C12orf56: variants seen among roughly 807,000 people sequenced by gnomAD.
C12orf56 encodes the protein chromosome 12 open reading frame 56.
A neutral mutation model predicts 69.9 loss-of-function variants in C12orf56; 71 were observed. That is an observed-to-expected ratio of 1.02 (90% CI 0.84 to 1.24). The LOEUF (loss-of-function observed/expected upper bound fraction) is 1.24, where lower values mean the gene tolerates loss of function less well. Ranked by LOEUF, C12orf56 falls within the 50% of genes most tolerant of loss-of-function variation. The pLI is 0.00. For missense variants in C12orf56, 732 were observed against 738.5 expected, an observed-to-expected ratio of 0.99 and a Z score of 0.10; for synonymous variants, 276 against 274.1, an observed-to-expected ratio of 1.01 and a Z score of -0.07.
In C12orf56 at chr12:64,367,213, C is replaced by CATACAGTTTATATATTATATGTAAT. The variant is rs1565777765; in HGVS notation, c.253-14182_253-14158dup. Among the ~76,000 whole-genome samples the CATACAGTTTATATATTATATGTAAT allele has an allele frequency of 9.9e-4, 14 of 14,126 alleles. 5 individuals are homozygous for CATACAGTTTATATATTATATGTAAT. The Admixed American group carries it at 0.018, about 18-fold the overall frequency. The allele number at this position is 14,126 out of a possible 152,430, so 9.3% of individuals were successfully genotyped here. The stretch of plus-strand genomic sequence containing the variant: ...CATACAGTTTATATATTATATATAA[C>CATACAGTTTATATATTATATGTAAT]ATACAGTTTATATATTATATGTAAT... On this transcript the variant is annotated intron_variant, in intron 1 of 12. Coordinates refer to ENST00000543942, the MANE Select transcript of C12orf56 (RefSeq NM_001170633.2).
intron 1 of C12orf56, among the ~76,000 whole-genome samples, chr12:64,377,425 G>A (rs2039657064): frequency 6.6e-6 from 1 of 152,076 alleles, no homozygotes; most frequent in Admixed American, 6.6e-5. Context: ...CTGACCTCAA[G>A]TGATCTGCCC....
chr12:64,347,206 G>A (rs375921181), intron 2 of C12orf56, among the ~76,000 whole-genome samples: 1 of 151,126 alleles, frequency 6.6e-6, no homozygotes, highest in African/African-American at 2.4e-5. Context: ...TTGAACTCCT[G>A]ACCTCAAGTG....
At position 64,357,700 on chromosome 12, in the gene C12orf56, C is replaced by T. The variant is rs1374655750; in HGVS notation, c.253-4644G>A. ...TCATTTGAGATCAGGAGTTCGAGGC[C>T]ACCCTGGCCAACATAGTGAGACCCC... On this transcript the variant is annotated intron_variant, in intron 1 of 12. Coordinates refer to ENST00000543942, the MANE Select transcript of C12orf56 (RefSeq NM_001170633.2). Among the ~76,000 whole-genome samples, 4 of 151,992 alleles carry T rather than the reference C, an allele frequency of 2.6e-5. No individual in the cohort carries two copies. In the South Asian group the frequency reaches 6.2e-4, roughly 24 times the overall value.
chr12:64,362,869 A>G (rs757461336), intron 1 of C12orf56, among the ~76,000 whole-genome samples: 14 of 152,272 alleles, frequency 9.2e-5, no homozygotes, highest in Middle Eastern at 6.8e-3. Flanking sequence ...TAGACTATAT[A>G]GGGTAACTTC....
chr12:64,358,482 A>ATCATCATC (rs2039352108), intron 1 of C12orf56, among the ~76,000 whole-genome samples: 15 of 125,948 alleles, frequency 1.2e-4, no homozygotes, highest in African/African-American at 4.5e-4. Flanking sequence ...TAATAATAAT[A>ATCATCATC]ATCATCATCA....
intron 1 of C12orf56, among the ~76,000 whole-genome samples, chr12:64,378,258 A>G (rs572237142): frequency 1.3e-5 from 2 of 152,182 alleles, no homozygotes; most frequent in Admixed American, 1.3e-4. Context: ...AATGTGCCTG[A>G]CTCTGGCTAA....
chr12:64,282,064 G>C (rs910213069), intron 8 of C12orf56, among the ~76,000 whole-genome samples: 1 of 152,124 alleles, frequency 6.6e-6, no homozygotes, highest in Non-Finnish European at 1.5e-5. Flanking sequence ...ATCGCATAAA[G>C]AAGTATTCAA....
intron 3 of C12orf56, among the ~76,000 whole-genome samples, chr12:64,319,633 T>A (rs1039168656): frequency 6.6e-6 from 1 of 152,194 alleles, no homozygotes; most frequent in African/African-American, 2.4e-5. Flanking sequence ...TAAGAATCCC[T>A]AAGCCTAGCT....
intron 1 of C12orf56, among the ~76,000 whole-genome samples, chr12:64,365,781 AATAT>A (rs1237813459): frequency 1.4e-5 from 2 of 142,066 alleles, no homozygotes; most frequent in African/African-American, 5.1e-5. Flanking sequence ...ACATATAATA[AATAT>A]ATAATGTATA....
intron 2 of C12orf56, among the ~76,000 whole-genome samples, chr12:64,333,188 G>A (rs2038953200): frequency 1.3e-5 from 2 of 152,124 alleles, no homozygotes; most frequent in Non-Finnish European, 2.9e-5. Context: ...ACTTGGTCCT[G>A]GTGATACAGC....
Position 64,267,007 on chromosome 12 carries a change from T to A in C12orf56, c.*176A>T, listed in dbSNP as rs1298544510. On this transcript the variant is annotated 3_prime_UTR_variant, in exon 13 of 13. Transcript: ENST00000543942. ...CTTATAATAAATCAAATTTATTTTT[T>A]AAAATTTTAAACTTCTCATAGAGAG... 5.7e-6 allele frequency: 3 copies of A among 526,618 alleles called. No homozygotes were observed. Among genetic ancestry groups the A allele is most frequent in the South Asian group, 6.5e-5 (2 of 30,776 alleles). The allele number at this position is 526,618 out of a possible 1,614,324, so 32.6% of individuals were successfully genotyped here. A position where few individuals can be genotyped will look rare whatever the true frequency, so the allele number is the denominator to read the frequency against.
At chr12:64,330,861 C>A in intron 3 of C12orf56, 99 bp downstream of exon 3, 1 of 977,942 alleles carries the variant, frequency 1.0e-6, no homozygotes. Context: ...GAACTCAGTC[C>A]AAAGCCATTA....
In C12orf56 at chr12:64,390,694, G is replaced by A. The variant is rs941901891; in HGVS notation, c.-129C>T. 7.7e-7 allele frequency: 1 copy of A among 1,297,950 alleles called. No homozygotes were observed. The highest frequency in any genetic ancestry group is 9.9e-7 in the Non-Finnish European group (1 of 1,007,092). The allele number at this position is 1,297,950 out of a possible 1,614,324, so 80.4% of individuals were successfully genotyped here. On this transcript the variant is annotated 5_prime_UTR_variant, in exon 1 of 13. Transcript: ENST00000543942. ...GCGTCGCCTCCTCTCCAGGCGCGGG[G>A]ACCCGGGCCGCAACTGCAGGAATCG...
intron 1 of C12orf56, among the ~76,000 whole-genome samples, chr12:64,366,024 G>GTATAATATATAGTTTATATATTATA (rs1565776862): frequency 1.7e-3 from 201 of 118,390 alleles, no homozygotes; most frequent in Middle Eastern, 0.01. Flanking sequence ...TATATAGCTT[G>GTATAATATATAGTTTATATATTATA]TATAATATAT....
chr12:64,309,958 TG>T (rs1385546883), intron 5 of C12orf56, among the ~76,000 whole-genome samples: 2 of 152,078 alleles, frequency 1.3e-5, no homozygotes, highest in Non-Finnish European at 1.5e-5. Flanking sequence ...GACAAATCAA[TG>T]GATTTAGTTA....
At chr12:64,376,268 C>G (rs2039638522) in intron 1 of C12orf56, among the ~76,000 whole-genome samples, 2 of 152,132 alleles carry the variant, frequency 1.3e-5, no homozygotes. Flanking sequence ...CAACTTTTGG[C>G]AGGGAAAATG....
chr12:64,349,155 C>G (rs1023501904), intron 2 of C12orf56, among the ~76,000 whole-genome samples: 3 of 152,010 alleles, frequency 2.0e-5, no homozygotes, highest in Non-Finnish European at 4.4e-5. Flanking sequence ...GAATCTACTA[C>G]GAACTCAAAT....
intron 4 of C12orf56, among the ~76,000 whole-genome samples, chr12:64,313,274 A>AAGAAAGAAAGAAAGAAAGAAAG (rs1555188666): frequency 2.8e-4 from 23 of 81,404 alleles, no homozygotes; most frequent in East Asian, 4.0e-4. Context: ...AAAAAAAAAA[A>AAGAAAGAAAGAAAGAAAGAAAG]AAAGAAAGAA....
At chr12:64,269,237 C>T (rs10735919) in intron 12 of C12orf56, among the ~76,000 whole-genome samples, 106,869 of 151,940 alleles carry the variant, frequency 0.7, 38,763 homozygotes, top group Non-Finnish European at 0.8. Context: ...ACGTCTTCAT[C>T]CAAACAAATG....
Sources: gnomAD v4.1 joint callset for allele counts (sites outside exome capture counted in the v4.1 genomes callset) on GRCh38, gnomAD v4.1.1 for gene constraint, MANE v1.5 for transcripts, NCBI Gene and HGNC (gene_info 2026-07-23, HGNC 2026-07-21) for gene names.